Variants in ZMIZ1 observed in about 807,000 individuals in gnomAD.
The protein encoded by ZMIZ1 is zinc finger MIZ-type containing 1.
ZMIZ1 carries 17 observed loss-of-function variants against 113.9 expected under a neutral mutation model. That is an observed-to-expected ratio of 0.15 (90% CI 0.10 to 0.22). ZMIZ1 has a LOEUF of 0.22. ZMIZ1 is among the 10% of genes least tolerant of loss of function. The pLI is 1.00. For synonymous variants in ZMIZ1, 607 were observed against 603.1 expected (o/e 1.01, Z -0.09); for missense variants, 1,059 against 1,477.8 (o/e 0.72, Z 4.65).
At chr10:79,292,625 A>G (rs957159624) in intron 11 of ZMIZ1, among the ~76,000 whole-genome samples, 1 of 152,020 alleles carries the variant, frequency 6.6e-6, no homozygotes, top group African/African-American at 2.4e-5. Flanking sequence ...CTCATGTACA[A>G]CTGCATATGG....
At chr10:79,238,832 A>G (rs766088416) in intron 7 of ZMIZ1, among the ~76,000 whole-genome samples, 1 of 152,152 alleles carries the variant, frequency 6.6e-6, no homozygotes, top group Non-Finnish European at 1.5e-5. Context: ...GGTGGTGAGG[A>G]TTGTTAATAC....
Position 79,118,742 on chromosome 10 carries a change from C to T in ZMIZ1, c.-336-173C>T, listed in dbSNP as rs1844163133. On this transcript the variant is annotated intron_variant, in intron 1 of 24. Transcript: ENST00000334512. The surrounding 1 kb of genome is among the most constrained non-coding windows in gnomAD (Gnocchi z 4.1). The stretch of plus-strand genomic sequence containing the variant: ...GAATGTGACGTTCAGGAGCTGCGAC[C>T]TTTATTTGGCAGTGGCAGGACGGTA... Among the ~76,000 whole-genome samples the T allele has an allele frequency of 6.6e-6, 1 of 152,202 alleles. No homozygotes were observed. Among genetic ancestry groups the T allele is most frequent in the Admixed American group, 6.5e-5 (1 of 15,286 alleles).
intron 19 of ZMIZ1, among the ~76,000 whole-genome samples, chr10:79,304,820 C>T (rs1052460861): frequency 2.0e-5 from 3 of 152,164 alleles, no homozygotes; most frequent in Non-Finnish European, 2.9e-5. Context: ...TCTTCGGTGC[C>T]TGGGCTGGGC....
chr10:79,290,701 G>T, intron 9 of ZMIZ1: 1 of 674,744 alleles, frequency 1.5e-6, no homozygotes, highest in South Asian at 1.5e-5. Context: ...GCTTGAACTG[G>T]CTTTGTGGGG....
chr10:79,235,833 G>A (rs915337205), intron 7 of ZMIZ1, among the ~76,000 whole-genome samples: 1 of 152,100 alleles, frequency 6.6e-6, no homozygotes, highest in Non-Finnish European at 1.5e-5. Context: ...TGCAGGGCAT[G>A]CCCTGGACGC....
intron 9 of ZMIZ1, 55 bp downstream of exon 9, chr10:79,289,944 G>A: frequency 6.5e-7 from 1 of 1,541,978 alleles, no homozygotes; most frequent in African/African-American, 1.4e-5. Context: ...AGTGTCCCTT[G>A]ACCCCTGGAG....
At chr10:79,148,982 G>T (rs368784586) in intron 3 of ZMIZ1, among the ~76,000 whole-genome samples, 2 of 152,220 alleles carry the variant, frequency 1.3e-5, no homozygotes, top group South Asian at 4.1e-4. Context: ...AGTGGCCTGC[G>T]CTGGCAGCCA....
chr10:79,236,427 G>A (rs11002883), intron 7 of ZMIZ1, among the ~76,000 whole-genome samples: 129 of 152,296 alleles, frequency 8.5e-4, no homozygotes, highest in African/African-American at 3.0e-3. Context: ...GGGGCCATTC[G>A]GAAGCCCCCA....
At chr10:79,289,742 G>A in intron 8 of ZMIZ1, 33 bp from the exon 9 acceptor site, 3 of 1,595,628 alleles carry the variant, frequency 1.9e-6, no homozygotes, top group East Asian at 2.2e-5. Context: ...TGCCTGCCAG[G>A]CCCTGAAGAT....
chr10:79,255,991 A>G (rs1396838140), intron 7 of ZMIZ1, among the ~76,000 whole-genome samples: 2 of 152,164 alleles, frequency 1.3e-5, no homozygotes, highest in Non-Finnish European at 2.9e-5. Context: ...GTATTTTGGA[A>G]AGGGATGGGG....
chr10:79,270,753 G>A (rs572919880), intron 7 of ZMIZ1, among the ~76,000 whole-genome samples: 15 of 152,270 alleles, frequency 9.9e-5, no homozygotes, highest in East Asian at 7.7e-4. Flanking sequence ...GCTTCCCTGC[G>A]GATGTGGCAG....
intron 1 of ZMIZ1, among the ~76,000 whole-genome samples, chr10:79,075,562 C>T (rs1842439661): frequency 6.7e-6 from 1 of 149,624 alleles, no homozygotes; most frequent in African/African-American, 2.5e-5. Context: ...CACAGCTGCA[C>T]ACACATGCAC....
chr10:79,198,270 CA>C (rs1205414537), intron 4 of ZMIZ1, among the ~76,000 whole-genome samples: 2 of 152,010 alleles, frequency 1.3e-5, no homozygotes, highest in Non-Finnish European at 2.9e-5. Context: ...AACAAACAAA[CA>C]AAAAAGCATT....
At position 79,270,645 on chromosome 10, in the gene ZMIZ1, G is replaced by A. The variant is rs532369160; in HGVS notation, c.281-6536G>A. On this transcript the variant is annotated intron_variant, in intron 7 of 24. Transcript: ENST00000334512. Reference sequence around the variant, plus strand: ...ACCCTGGTGTCCCCGTGGCTTCCTGGAGACGCTACAAAGACTAGCATAGGC... The same window carrying A: ...ACCCTGGTGTCCCCGTGGCTTCCTGAAGACGCTACAAAGACTAGCATAGGC... Among the ~76,000 whole-genome samples, 9 of 152,308 alleles carry A rather than the reference G, an allele frequency of 5.9e-5. No homozygotes were observed. In the South Asian group the frequency reaches 1.9e-3, roughly 32 times the overall value.
chr10:79,269,799 T>C (rs1851840916), intron 7 of ZMIZ1, among the ~76,000 whole-genome samples: 1 of 152,218 alleles, frequency 6.6e-6, no homozygotes, highest in Non-Finnish European at 1.5e-5. Context: ...CTATGGCTGC[T>C]GTGGCTGCCT....
At chr10:79,265,796 C>A (rs1397430372) in intron 7 of ZMIZ1, among the ~76,000 whole-genome samples, 2 of 152,202 alleles carry the variant, frequency 1.3e-5, no homozygotes, top group Non-Finnish European at 2.9e-5. Context: ...GTGCTCCCCA[C>A]CCATCCACTC....
At chr10:79,243,148 C>G (rs951658088) in intron 7 of ZMIZ1, among the ~76,000 whole-genome samples, 1 of 151,358 alleles carries the variant, frequency 6.6e-6, no homozygotes, top group Admixed American at 6.6e-5. Flanking sequence ...GGCCTGGCCT[C>G]CCCCGGAGCC....
chr10:79,229,822 G>A (rs1286674789), intron 7 of ZMIZ1, among the ~76,000 whole-genome samples: 1 of 152,166 alleles, frequency 6.6e-6, no homozygotes, highest in African/African-American at 2.4e-5. Context: ...GCAGAGAGGC[G>A]GGACCAGCCA....
chr10:79,288,901 GGTGGGTACTGC>G (rs2060863365), intron 8 of ZMIZ1, among the ~76,000 whole-genome samples: 1 of 152,188 alleles, frequency 6.6e-6, no homozygotes, highest in South Asian at 2.1e-4. Context: ...CCACAAACGT[GGTGGGTACTGC>G]TGGACCTGGT....
Sources: allele counts gnomAD v4.1 joint callset (sites outside exome capture counted in the v4.1 genomes callset), GRCh38; gene constraint gnomAD v4.1.1; non-coding constraint Gnocchi (gnomAD v3.1); transcripts MANE v1.5; gene names NCBI Gene and HGNC (gene_info 2026-07-23, HGNC 2026-07-21).